FBXW8: variants seen among roughly 807,000 people sequenced by gnomAD.
FBXW8 encodes F-box and WD repeat domain containing 8, also known as F-box/WD repeat-containing protein 8.
Under a neutral mutation model 65.3 loss-of-function variants are expected in FBXW8, and 57 were observed. The observed-to-expected ratio is 0.87, with a 90% CI of 0.71 to 1.09. The LOEUF is 1.09. Ranked by LOEUF, FBXW8 falls within the 50% of genes least tolerant of loss-of-function variation. The pLI, the probability that FBXW8 is intolerant of heterozygous loss-of-function variation, is 0.00. For missense variants in FBXW8, 777 were observed against 814.8 expected (o/e 0.95, Z 0.57); for synonymous variants, 308 against 330.2 (o/e 0.93, Z 0.73).
At chr12:117,021,731 C>T (rs1364800983) in intron 8 of FBXW8, among the ~76,000 whole-genome samples, 2 of 152,000 alleles carry the variant, frequency 1.3e-5, no homozygotes, top group African/African-American at 4.8e-5. Flanking sequence ...AAGAAGTCTA[C>T]CCACTTCTTT....
At chr12:116,997,026 A>G (rs557907013) in intron 7 of FBXW8, among the ~76,000 whole-genome samples, 7 of 152,342 alleles carry the variant, frequency 4.6e-5, no homozygotes, top group Admixed American at 1.3e-4. Context: ...TAAATGAGGA[A>G]TGAACATTCA....
In FBXW8 at chr12:116,911,053, C is replaced by G; in HGVS notation, c.16C>G (p.Leu6Val). 2.8e-6 allele frequency: 4 copies of G among 1,452,600 alleles called. No individual in the cohort carries two copies. Among genetic ancestry groups the G allele is most frequent in the Non-Finnish European group, 3.6e-6 (4 of 1,111,028 alleles). 90.0% of individuals were successfully genotyped at this position (1,452,600 alleles called of 1,614,324 possible). A position where few individuals can be genotyped will look rare whatever the true frequency, so the allele number is the denominator to read the frequency against. ...AGCGGCGAATATGGACGACTACAGC[C>G]TGGATGAGTTCCGTCGGCGCTGGCA... MDDYSLDEFRRRWQEE... is the reference protein window; with the variant it reads MDDYSVDEFRRRWQEE... Residue 6 changes from leucine to valine, a missense_variant, in exon 1 of 11, where the codon CTG becomes GTG. Physicochemically the swap from Leu to Val is conservative, Grantham distance 32 (BLOSUM62 1). Transcript: ENST00000652555.
At chr12:116,956,403 A>G (rs946712569) in intron 4 of FBXW8, among the ~76,000 whole-genome samples, 4 of 151,928 alleles carry the variant, frequency 2.6e-5, no homozygotes, top group African/African-American at 9.7e-5. Flanking sequence ...AACTGCCCAT[A>G]CCTCTCTAGC....
intron 8 of FBXW8, among the ~76,000 whole-genome samples, chr12:117,020,332 T>TTTAAA (rs1478493017): frequency 1.3e-5 from 2 of 152,238 alleles, no homozygotes; most frequent in African/African-American, 4.8e-5. Flanking sequence ...TTCCCCATTT[T>TTTAAA]TTAAATTATA....
intron 2 of FBXW8, among the ~76,000 whole-genome samples, chr12:116,928,536 G>A (rs562068641): frequency 6.6e-6 from 1 of 152,322 alleles, no homozygotes; most frequent in African/African-American, 2.4e-5. Flanking sequence ...GACAGAACAT[G>A]TTTTAGGTGA....
intron 2 of FBXW8, among the ~76,000 whole-genome samples, chr12:116,938,858 A>G (rs1488459591): frequency 2.6e-5 from 4 of 152,188 alleles, no homozygotes; most frequent in Non-Finnish European, 5.9e-5. Flanking sequence ...ACCTGGGTGT[A>G]ACGGCAGGGA....
chr12:116,998,535 A>G (rs1468911676), intron 7 of FBXW8, among the ~76,000 whole-genome samples: 4 of 152,168 alleles, frequency 2.6e-5, no homozygotes, highest in African/African-American at 7.2e-5. Context: ...ATCCTATACC[A>G]TGGAAGAGAA....
intron 2 of FBXW8, among the ~76,000 whole-genome samples, chr12:116,938,824 A>G (rs1342380367): frequency 6.6e-6 from 1 of 152,166 alleles, no homozygotes; most frequent in Non-Finnish European, 1.5e-5. Flanking sequence ...TGCTTCCCCT[A>G]TTTGGGGCCA....
chr12:117,014,390 C>T (rs538889083), intron 8 of FBXW8, among the ~76,000 whole-genome samples: 12 of 152,284 alleles, frequency 7.9e-5, no homozygotes, highest in African/African-American at 2.6e-4. Flanking sequence ...TCTTTAAAGT[C>T]GTTGAGGGTT....
chr12:117,014,563 T>C (rs910419650), intron 8 of FBXW8, among the ~76,000 whole-genome samples: 20 of 152,368 alleles, frequency 1.3e-4, no homozygotes, highest in Middle Eastern at 3.4e-3. Flanking sequence ...GATCCTGTTA[T>C]GTAATCCTCC....
intron 2 of FBXW8, among the ~76,000 whole-genome samples, chr12:116,938,639 T>C (rs529507134): frequency 5.9e-5 from 9 of 152,330 alleles, no homozygotes; most frequent in African/African-American, 2.2e-4. Context: ...CATTTTAAAG[T>C]GGTTGAGATT....
intron 7 of FBXW8, among the ~76,000 whole-genome samples, chr12:116,993,200 T>C (rs1592935547): frequency 7.4e-6 from 1 of 134,516 alleles, no homozygotes; most frequent in Non-Finnish European, 1.5e-5. Flanking sequence ...ACTGAGCGGG[T>C]TCAAGCAGTT....
chr12:116,989,724 T>G (rs1953189220), intron 7 of FBXW8, among the ~76,000 whole-genome samples: 1 of 152,212 alleles, frequency 6.6e-6, no homozygotes, highest in African/African-American at 2.4e-5. Flanking sequence ...TTGGGTTTTT[T>G]CCCAATTTCC....
chr12:116,916,321 G>C (rs1385054666), intron 1 of FBXW8, among the ~76,000 whole-genome samples: 1 of 152,158 alleles, frequency 6.6e-6, no homozygotes, highest in Admixed American at 6.5e-5. Context: ...ACTTTTGATA[G>C]TAACTTGTGT....
chr12:116,914,044 G>A (rs1565894416), intron 1 of FBXW8, among the ~76,000 whole-genome samples: 1 of 152,182 alleles, frequency 6.6e-6, no homozygotes, highest in African/African-American at 2.4e-5. Flanking sequence ...GCCAAGCCAG[G>A]AGGATTGCTT....
At chr12:116,967,143 G>A (rs572774015) in intron 5 of FBXW8, among the ~76,000 whole-genome samples, 2 of 150,500 alleles carry the variant, frequency 1.3e-5, no homozygotes, top group Non-Finnish European at 3.0e-5. Context: ...GTCCTGCTCT[G>A]TATACTTCTC....
chr12:116,949,265 T>G lies in FBXW8; in HGVS notation c.589-353T>G, dbSNP rs1313856777. On this transcript the variant is annotated intron_variant, in intron 3 of 10. Transcript: ENST00000652555. ...GAACTTTTTCACATACTTTATAAGTTTCTTTAGATACTTGCCACTCCCAGC... is the reference window on the plus strand; with the variant it reads ...GAACTTTTTCACATACTTTATAAGTGTCTTTAGATACTTGCCACTCCCAGC... The G allele has an allele frequency of 1.3e-5, 3 of 235,852 alleles. 1 individual carries two copies. The East Asian group carries it at 2.7e-4, about 21-fold the overall frequency. 14.6% of individuals were successfully genotyped at this position (235,852 alleles called of 1,614,324 possible).
chr12:116,984,914 C>G (rs1363809259), intron 5 of FBXW8, among the ~76,000 whole-genome samples: 1 of 152,118 alleles, frequency 6.6e-6, no homozygotes, highest in Non-Finnish European at 1.5e-5. Flanking sequence ...CACTTAGGCC[C>G]ATCAGTTCAA....
intron 2 of FBXW8, among the ~76,000 whole-genome samples, chr12:116,937,919 T>C (rs1275230740): frequency 6.6e-6 from 1 of 152,112 alleles, no homozygotes; most frequent in Non-Finnish European, 1.5e-5. Flanking sequence ...ACACTTTTAT[T>C]AGCAAGTCCT....
Sources: allele counts gnomAD v4.1 joint callset (sites outside exome capture counted in the v4.1 genomes callset), GRCh38; gene constraint gnomAD v4.1.1; transcripts MANE v1.5; gene names NCBI Gene and HGNC (gene_info 2026-07-23, HGNC 2026-07-21).